ANKRD6: variants seen among roughly 807,000 people sequenced by gnomAD.
ANKRD6 encodes ankyrin repeat domain-containing protein 6.
Under a neutral mutation model 82.3 loss-of-function variants are expected in ANKRD6, and 56 were observed. The ratio of observed to expected loss-of-function variants is 0.68; its 90% CI spans 0.55 to 0.85. ANKRD6 has a LOEUF of 0.85. ANKRD6 is among the 40% of genes least tolerant of loss of function. The pLI is 0.00. For synonymous variants in ANKRD6, 347 were observed against 352.1 expected (o/e 0.99, Z 0.16); for missense variants, 852 against 907.6 (o/e 0.94, Z 0.79).
intron 8 of ANKRD6, 40 bp from the exon 9 acceptor site, chr6:89,617,914 C>G (rs745638307): frequency 1.3e-6 from 2 of 1,593,442 alleles, no homozygotes; most frequent in Non-Finnish European, 8.6e-7. Context: ...GTGTGGGACC[C>G]GTGGCCCTTT....
chr6:89,585,693 G>A (rs1793538841), intron 2 of ANKRD6, among the ~76,000 whole-genome samples: 1 of 152,222 alleles, frequency 6.6e-6, no homozygotes, highest in Non-Finnish European at 1.5e-5. Flanking sequence ...TGGATCACTT[G>A]AGGCCAGGGG....
At chr6:89,608,006 C>T (rs112695201) in intron 5 of ANKRD6, among the ~76,000 whole-genome samples, 6,340 of 110,280 alleles carry the variant, frequency 0.057, 233 homozygotes, top group African/African-American at 0.15. Flanking sequence ...CTCCTGACCC[C>T]GTGATCTGCC....
rs1807524508 is a variant in ANKRD6 at position 89,632,158 on chromosome 6, A to G, written c.*1154A>G. The G allele has an allele frequency of 6.6e-6, 1 of 152,244 alleles. No homozygotes were observed. Among genetic ancestry groups the G allele is most frequent in the African/African-American group, 2.4e-5 (1 of 41,464 alleles). The allele number at this position is 152,244 out of a possible 1,614,324, so 9.4% of individuals were successfully genotyped here. ...TATCCCATGTATGCACAGAAACTTC[A>G]GTTCTATTTCTATAGACACAGGAAC... On this transcript the variant is annotated 3_prime_UTR_variant, in exon 16 of 16. Coordinates refer to ENST00000339746, the MANE Select transcript of ANKRD6 (RefSeq NM_001242809.2).
At chr6:89,557,655 G>A (rs1435972983) in intron 1 of ANKRD6, among the ~76,000 whole-genome samples, 1 of 152,162 alleles carries the variant, frequency 6.6e-6, no homozygotes, top group African/African-American at 2.4e-5. Context: ...GTACTTGTCC[G>A]TGGCCTGTTA....
At chr6:89,608,368 C>CACACTATATATATATATATA in intron 5 of ANKRD6, among the ~76,000 whole-genome samples, 13 of 130,810 alleles carry the variant, frequency 9.9e-5, no homozygotes, top group African/African-American at 3.7e-4. Context: ...CACACACACA[C>CACACTATATATATATATATA]TATATATATA....
chr6:89,623,387 C>T (rs78272179), intron 10 of ANKRD6, 23 bp from the exon 11 acceptor site: 1 of 1,603,738 alleles, frequency 6.2e-7, no homozygotes, highest in South Asian at 1.1e-5. Context: ...CACAATGGGT[C>T]TCTGGGCTTT....
At chr6:89,624,231 T>C (rs1171994647) in intron 12 of ANKRD6, among the ~76,000 whole-genome samples, 174 bp downstream of exon 12, 6 of 152,190 alleles carry the variant, frequency 3.9e-5, no homozygotes, top group Admixed American at 3.9e-4. Context: ...CTCCTGCTGC[T>C]AAGGCCAAGG....
chr6:89,627,926 G>C (rs931200736), intron 14 of ANKRD6, among the ~76,000 whole-genome samples: 1 of 152,210 alleles, frequency 6.6e-6, no homozygotes, highest in Non-Finnish European at 1.5e-5. Flanking sequence ...AACATGCTGG[G>C]GAAGATGCCA....
chr6:89,517,685 A>G (rs1781390212), intron 1 of ANKRD6, among the ~76,000 whole-genome samples: 1 of 152,258 alleles, frequency 6.6e-6, no homozygotes, highest in African/African-American at 2.4e-5. Context: ...AGTTATGTTT[A>G]TTCTGACCAC....
chr6:89,526,430 C>T (rs1236122116), intron 1 of ANKRD6, among the ~76,000 whole-genome samples: 1 of 152,216 alleles, frequency 6.6e-6, no homozygotes, highest in Non-Finnish European at 1.5e-5. Context: ...CAGCAGCTGT[C>T]AGCCCACAGT....
chr6:89,617,446 A>G (rs1801869246), intron 8 of ANKRD6, among the ~76,000 whole-genome samples: 1 of 152,212 alleles, frequency 6.6e-6, no homozygotes. Flanking sequence ...CATTATGGCC[A>G]TAACTCGTAG....
At chr6:89,608,618 G>T (rs1449880399) in intron 5 of ANKRD6, among the ~76,000 whole-genome samples, 1 of 151,996 alleles carries the variant, frequency 6.6e-6, no homozygotes. Flanking sequence ...CACCTCAGTG[G>T]CTTTGCCCTC....
chr6:89,501,884 A>G (rs148875617), intron 1 of ANKRD6, among the ~76,000 whole-genome samples: 51 of 151,710 alleles, frequency 3.4e-4, no homozygotes, highest in African/African-American at 1.2e-3. Flanking sequence ...AGTGGTAGGA[A>G]TAATAATATG....
intron 4 of ANKRD6, 73 bp downstream of exon 4, chr6:89,603,200 G>T (rs1170920236): frequency 1.4e-6 from 2 of 1,395,106 alleles, no homozygotes; most frequent in Non-Finnish European, 2.0e-6. Context: ...GGAGGAGCCC[G>T]CTCTGGAAAC....
At chr6:89,437,924 A>G (rs760806480) in intron 1 of ANKRD6, among the ~76,000 whole-genome samples, 1 of 152,110 alleles carries the variant, frequency 6.6e-6, no homozygotes, top group Non-Finnish European at 1.5e-5. Flanking sequence ...CCTCCTAAGT[A>G]GCTGGGACTA....
rs991876866 is a variant in ANKRD6 at position 89,521,535 on chromosome 6, G to A, written c.-143-45299G>A. Among the ~76,000 whole-genome samples the A allele has an allele frequency of 2.0e-5, 3 of 152,152 alleles. 1 individual carries two copies. Among genetic ancestry groups the A allele is most frequent in the Admixed American group, 6.5e-5 (1 of 15,268 alleles). On this transcript the variant is annotated intron_variant, in intron 1 of 15. Transcript: ENST00000339746. ...TGCTGGAAAGTTTTTAAGAATGGGA[G>A]CAACATAATCAGATTTATGTTTTTA...
In ANKRD6 at chr6:89,510,151, G is replaced by A. The variant is rs185774005; in HGVS notation, c.-143-56683G>A. Among the ~76,000 whole-genome samples the A allele has an allele frequency of 1.9e-3, 291 of 152,326 alleles. 1 individual carries two copies. The highest frequency in any genetic ancestry group is 6.7e-3 in the African/African-American group (279 of 41,558). The stretch of plus-strand genomic sequence containing the variant: ...GAGACTGGCAAAGCTCCAGATGGTG[G>A]TTGCTCTGTCAGTCTGGGCAAGTTG... On this transcript the variant is annotated intron_variant, in intron 1 of 15. Transcript: ENST00000339746.
chr6:89,608,388 A>ATATATATATATATGTT (rs1799372827), intron 5 of ANKRD6, among the ~76,000 whole-genome samples: 2 of 120,654 alleles, frequency 1.7e-5, no homozygotes, highest in South Asian at 6.9e-4. Flanking sequence ...ATATATATGT[A>ATATATATATATATGTT]CAATTTCATG....
chr6:89,573,433 G>A (rs1562876935), intron 2 of ANKRD6, among the ~76,000 whole-genome samples: 2 of 152,082 alleles, frequency 1.3e-5, no homozygotes, highest in Non-Finnish European at 2.9e-5. Context: ...TTATCAGCCC[G>A]AGTCTTTTCC....
Sources: allele counts gnomAD v4.1 joint callset (sites outside exome capture counted in the v4.1 genomes callset), GRCh38; gene constraint gnomAD v4.1.1; transcripts MANE v1.5; gene names NCBI Gene and HGNC (gene_info 2026-07-23, HGNC 2026-07-21).